Variants in STAB2 observed in about 807,000 individuals in gnomAD.
STAB2 encodes the protein stabilin 2, also known as stabilin-2.
Under a neutral mutation model 338.1 loss-of-function variants are expected in STAB2, and 288 were observed. The observed-to-expected ratio is 0.85, with a 90% CI of 0.77 to 0.94. The LOEUF is 0.94. STAB2 is among the 40% of genes least tolerant of loss of function. STAB2 has a pLI of 0.00. For synonymous variants in STAB2, 1,202 were observed against 1,193.3 expected, an observed-to-expected ratio of 1.01 and a Z score of -0.15; for missense variants, 3,141 against 3,210.1, an observed-to-expected ratio of 0.98 and a Z score of 0.52.
At chr12:103,718,694 T>C (rs143840835) in intron 44 of STAB2, among the ~76,000 whole-genome samples, 47 of 152,320 alleles carry the variant, frequency 3.1e-4, no homozygotes, top group African/African-American at 1.1e-3. Context: ...TGTCCAGACA[T>C]AGAGAGTTTT....
chr12:103,600,148 C>A (rs12319902), intron 3 of STAB2, among the ~76,000 whole-genome samples: 10,507 of 152,270 alleles, frequency 0.069, 386 homozygotes, highest in Non-Finnish European at 0.081. Context: ...TCAATAAATT[C>A]TCTCATTAAG....
rs866954597 is a variant in STAB2 at position 103,765,802 on chromosome 12, G to A, written c.7606-484G>A. Among the ~76,000 whole-genome samples, 189 of 152,258 alleles carry A rather than the reference G, an allele frequency of 1.2e-3. 1 individual carries two copies. Among genetic ancestry groups the A allele is most frequent in the African/African-American group, 4.0e-3 (165 of 41,554 alleles). The stretch of plus-strand genomic sequence containing the variant: ...AGTGATCCGCCTGCCTCAGCCTCCC[G>A]AAGTGCTGGGATTACAGGCGCGAGC... On this transcript the variant is annotated intron_variant, in intron 68 of 68. Coordinates refer to ENST00000388887, the MANE Select transcript of STAB2 (RefSeq NM_017564.10).
chr12:103,763,441 C>T (rs375053856), intron 67 of STAB2, 51 bp from the exon 68 acceptor site: 17 of 1,561,216 alleles, frequency 1.1e-5, no homozygotes, highest in South Asian at 6.8e-5. Flanking sequence ...TTGGCTGAGA[C>T]GCTCCTGCTT....
chr12:103,596,187 T>C (rs1300217363), intron 3 of STAB2, among the ~76,000 whole-genome samples: 1 of 152,258 alleles, frequency 6.6e-6, no homozygotes, highest in Non-Finnish European at 1.5e-5. Context: ...CATGATCATG[T>C]CTAGTTCTCA....
chr12:103,759,251 C>A lies in STAB2; in HGVS notation c.7226C>A (p.Ala2409Asp). The change falls in exon 65 of 69, where the codon GCC (alanine) becomes GAC (aspartate). Residue 2409 changes from alanine to aspartate, a missense_variant. By Grantham distance (126) the Ala-to-Asp change is moderately radical. Transcript: ENST00000388887. Reference sequence around the variant, plus strand: ...CTGGGAAGCAAGCTGCTCATCACTGCCAGCCAGGACCCACTCCAACCGGTA... The same window carrying A: ...CTGGGAAGCAAGCTGCTCATCACTGACAGCCAGGACCCACTCCAACCGGTA... The part of the protein sequence containing the change: ...TRLGSKLLIT[A>D]SQDPLQPTET... The A allele has an allele frequency of 6.2e-7, 1 of 1,614,126 alleles. No individual in the cohort carries two copies. Among genetic ancestry groups the A allele is most frequent in the Middle Eastern group, 1.6e-4 (1 of 6,062 alleles).
rs1881490793 is a variant in STAB2, at chr12:103,729,794, A to C, written c.5083-322A>C. Among the ~76,000 whole-genome samples, 7 of 152,336 alleles carry C rather than the reference A, an allele frequency of 4.6e-5. No individual in the cohort carries two copies. In the South Asian group the frequency reaches 1.5e-3, roughly 32 times the overall value. On this transcript the variant is annotated intron_variant, in intron 48 of 68. Transcript: ENST00000388887. ...TGGTGACTGTAGAATTCCTTGCAGAAGGAAAAAAGCCAGGGGAGGAGGTAT... is the reference window on the plus strand; with the variant it reads ...TGGTGACTGTAGAATTCCTTGCAGACGGAAAAAAGCCAGGGGAGGAGGTAT...
In STAB2 at chr12:103,685,037, G is replaced by A; in HGVS notation, c.2950G>A (p.Glu984Lys). ...SSGVWSCVCQ[E>K]GYEGDGFLCY... ...TGGTGTCTGGAGCTGTGTTTGTCAA[G>A]AGGGCTATGAAGGAGATGGCTTTCT... Residue 984 changes from glutamate to lysine, a missense_variant, in exon 27 of 69, where the codon GAG (glutamate) becomes AAG (lysine). Physicochemically the swap from Glu to Lys is moderately conservative, Grantham distance 56 (BLOSUM62 1). Transcript: ENST00000388887. 3.1e-6 allele frequency: 5 copies of A among 1,614,076 alleles called. No homozygotes were observed. Among genetic ancestry groups the A allele is most frequent in the South Asian group, 1.1e-5 (1 of 91,088 alleles).
chr12:103,752,686 A>G (rs1199225883), intron 60 of STAB2, among the ~76,000 whole-genome samples: 1 of 152,230 alleles, frequency 6.6e-6, no homozygotes, highest in East Asian at 1.9e-4. Context: ...AAATTTTTCA[A>G]TTATAAATAT....
chr12:103,613,463 C>T (rs1467038766), intron 3 of STAB2, among the ~76,000 whole-genome samples: 1 of 152,178 alleles, frequency 6.6e-6, no homozygotes, highest in Non-Finnish European at 1.5e-5. Flanking sequence ...AGTGAGGCTC[C>T]GTGGACGTAG....
intron 30 of STAB2, among the ~76,000 whole-genome samples, chr12:103,692,403 G>T (rs978010356): frequency 6.6e-6 from 1 of 151,824 alleles, no homozygotes; most frequent in African/African-American, 2.4e-5. Context: ...GGCAGGGGGG[G>T]ACACAGCTCA....
intron 3 of STAB2, among the ~76,000 whole-genome samples, chr12:103,599,620 T>G (rs948902051): frequency 6.6e-6 from 1 of 152,240 alleles, no homozygotes; most frequent in East Asian, 1.9e-4. Context: ...ATATTAGGGA[T>G]GTACTTATGC....
chr12:103,704,453 TC>T, intron 35 of STAB2, 104 bp from the exon 36 acceptor site: 1 of 1,111,208 alleles, frequency 9.0e-7, no homozygotes, highest in Non-Finnish European at 1.3e-6. Flanking sequence ...GCCCAGATAA[TC>T]TGCCTTGATT....
chr12:103,592,995 T>C (rs1956822864), intron 2 of STAB2, among the ~76,000 whole-genome samples: 3 of 152,228 alleles, frequency 2.0e-5, no homozygotes, highest in Admixed American at 2.0e-4. Flanking sequence ...AGTTACAAGA[T>C]TTCCTTCTTG....
At chr12:103,760,869 AGAAG>A (rs1358582765) in intron 65 of STAB2, among the ~76,000 whole-genome samples, 1 of 152,218 alleles carries the variant, frequency 6.6e-6, no homozygotes, top group Non-Finnish European at 1.5e-5. Context: ...TCAGCAGGGG[AGAAG>A]GCACAGGGCC....
intron 9 of STAB2, among the ~76,000 whole-genome samples, chr12:103,646,296 G>A (rs1397791702): frequency 1.3e-5 from 2 of 152,158 alleles, no homozygotes; most frequent in Admixed American, 6.5e-5. Context: ...ATGCCCTATA[G>A]CATCCTATTC....
chr12:103,652,152 T>C (rs941771504), intron 11 of STAB2, among the ~76,000 whole-genome samples: 5 of 152,272 alleles, frequency 3.3e-5, no homozygotes, highest in African/African-American at 1.2e-4. Flanking sequence ...GCTTACTTGC[T>C]TTACCTACTC....
chr12:103,635,481 T>C (rs552556235), intron 6 of STAB2, among the ~76,000 whole-genome samples: 14 of 152,306 alleles, frequency 9.2e-5, no homozygotes, highest in Non-Finnish European at 1.8e-4. Flanking sequence ...CCTGCAGAGC[T>C]CAGCTCCCTC....
intron 33 of STAB2, 118 bp downstream of exon 33, chr12:103,695,962 T>C: frequency 1.0e-6 from 1 of 957,374 alleles, no homozygotes; most frequent in Admixed American, 2.0e-5. Flanking sequence ...AGCCACATAC[T>C]TGACGTAGAC....
In STAB2 at chr12:103,731,612, A is replaced by T. The variant is rs546838988; in HGVS notation, c.5260A>T (p.Ile1754Phe). 6.2e-7 allele frequency: 1 copy of T among 1,613,946 alleles called. No homozygotes were observed. The highest frequency in any genetic ancestry group is 1.3e-5 in the African/African-American group (1 of 75,062). ...LTTLATNNGY[I>F]KFSNLIQDSG... The stretch of plus-strand genomic sequence containing the variant: ...GACTTTGGCAACAAACAATGGCTAC[A>T]TCAAATTTAGCAACTTAATACAGGT... Residue 1754 changes from isoleucine (I) to phenylalanine (F), a missense_variant, in exon 50 of 69, where the codon ATC becomes TTC. Ile to Phe is a conservative substitution (Grantham distance 21). Transcript: ENST00000388887.
Sources: gnomAD v4.1 joint callset for allele counts (sites outside exome capture counted in the v4.1 genomes callset) on GRCh38, gnomAD v4.1.1 for gene constraint, MANE v1.5 for transcripts, NCBI Gene and HGNC (gene_info 2026-07-23, HGNC 2026-07-21) for gene names.